Variants in DHRS4L2 observed in about 807,000 individuals in gnomAD.
DHRS4L2 encodes the protein dehydrogenase/reductase SDR family member 4-like 2.
Under a neutral mutation model 23.9 loss-of-function variants are expected in DHRS4L2, and 22 were observed. The observed-to-expected ratio is 0.92, with a 90% CI of 0.66 to 1.31. DHRS4L2 has a LOEUF of 1.31. Ranked by LOEUF, DHRS4L2 falls within the 40% of genes most tolerant of loss-of-function variation. DHRS4L2 has a pLI of 0.00. For synonymous variants in DHRS4L2, 141 were observed against 123.7 expected (o/e 1.14, Z -0.93); for missense variants, 385 against 303.3 (o/e 1.27, Z -2.00).
chr14:23,981,336 C>G (rs1013090758), intron 1 of DHRS4L2, among the ~76,000 whole-genome samples: 1 of 151,698 alleles, frequency 6.6e-6, no homozygotes. Context: ...AGTCCATGCT[C>G]ATGGATAGGA....
upstream of DHRS4L2, among the ~76,000 whole-genome samples, chr14:23,985,162 C>G (rs762676118): frequency 2.0e-5 from 3 of 151,406 alleles, no homozygotes; most frequent in Non-Finnish European, 4.4e-5. Context: ...GCGAGTTTGC[C>G]CACATTTTGC....
At chr14:23,981,032 T>A (rs191151859) in intron 1 of DHRS4L2, among the ~76,000 whole-genome samples, 332 of 151,884 alleles carry the variant, frequency 2.2e-3, no homozygotes, top group South Asian at 4.6e-3. Flanking sequence ...TGTTTGCAGA[T>A]GACATGATTG....
In DHRS4L2 at chr14:23,977,834, G is replaced by A. The variant is rs376918856; in HGVS notation, c.-176+7502G>A. ...CAGATGACAAAAACCCACAATTATT[G>A]CACCCTCTAAAAAACATGTTAATTG... On this transcript the variant is annotated intron_variant, in intron 1 of 5. Transcript: ENST00000534993. 9.4e-4 allele frequency among the ~76,000 whole-genome samples: 143 copies of A among 151,508 alleles called. 1 individual carries two copies. Among genetic ancestry groups the A allele is most frequent in the Middle Eastern group, 6.8e-3 (2 of 294 alleles).
intron 6 of DHRS4L2, 65 bp from the exon 7 acceptor site, chr14:24,004,269 TAAA>T (rs750912070): frequency 2.9e-3 from 3,756 of 1,307,782 alleles, no homozygotes; most frequent in Admixed American, 5.3e-3. Flanking sequence ...ACTCCGTCTC[TAAA>T]AAAAAAAAAA....
At chr14:23,988,717 T>G, upstream of DHRS4L2, 1 of 1,265,770 alleles carries the variant, frequency 7.9e-7, no homozygotes, top group Non-Finnish European at 1.0e-6. Flanking sequence ...GGAGAGCGCT[T>G]TGATCACTCA....
intron 1 of DHRS4L2, among the ~76,000 whole-genome samples, chr14:23,989,450 C>G (rs1368237894): frequency 6.6e-6 from 1 of 151,552 alleles, no homozygotes; most frequent in East Asian, 1.9e-4. Context: ...TGAAAATGTA[C>G]CATTCTATTT....
intron 3 of DHRS4L2, 122 bp from the exon 4 acceptor site, chr14:24,000,741 T>C: frequency 1.2e-6 from 1 of 830,626 alleles, no homozygotes; most frequent in Admixed American, 2.8e-5. Flanking sequence ...TGCAGGTATA[T>C]CATCCTAAGA....
upstream of DHRS4L2, chr14:23,988,844 G>C (rs575382198): frequency 6.8e-7 from 1 of 1,462,386 alleles, no homozygotes; most frequent in Admixed American, 2.3e-5. Flanking sequence ...GCCGAGGGCG[G>C]GAAGGGGGCA....
intron 2 of DHRS4L2, among the ~76,000 whole-genome samples, chr14:23,993,411 T>A (rs2034308947): frequency 6.6e-6 from 1 of 151,684 alleles, no homozygotes. Context: ...ACAAGAATAA[T>A]TAGTTAAAAC....
At chr14:23,985,011 A>C (rs1378535901), upstream of DHRS4L2, among the ~76,000 whole-genome samples, 1 of 151,332 alleles carries the variant, frequency 6.6e-6, no homozygotes, top group Non-Finnish European at 1.5e-5. Context: ...GGTGGTTGTC[A>C]GTAAGCTGCT....
intron 1 of DHRS4L2, among the ~76,000 whole-genome samples, chr14:23,971,280 A>G (rs1459475603): frequency 6.6e-6 from 1 of 152,098 alleles, no homozygotes; most frequent in East Asian, 1.9e-4. Context: ...ATGGCTAACT[A>G]GAATGAAGAA....
rs929769310 is a variant in DHRS4L2 at position 23,990,940 on chromosome 14, T to C, written c.306+581T>C. On this transcript the variant is annotated intron_variant, in intron 2 of 7. Transcript: ENST00000335125. ...AAGCTCCCTTCCTTTATTGGCTGCC[T>C]GTGGACTACCAGGTACTGGACTTCA... 9.6e-5 allele frequency: 82 copies of C among 857,198 alleles called. 1 individual carries two copies. The highest frequency in any genetic ancestry group is 1.1e-4 in the Non-Finnish European group (78 of 713,530). The allele number at this position is 857,198 out of a possible 1,614,324, so 53.1% of individuals were successfully genotyped here.
chr14:23,999,188 G>C (rs539402578), intron 3 of DHRS4L2, among the ~76,000 whole-genome samples: 1 of 148,416 alleles, frequency 6.7e-6, no homozygotes, highest in South Asian at 2.2e-4. Context: ...AACCATGAAA[G>C]ATCACTCATC....
Position 23,989,030 on chromosome 14 carries a change from A to T in DHRS4L2, c.83A>T (p.Asp28Val), listed in dbSNP as rs2034209266. 4 of 1,602,914 alleles carry T rather than the reference A, an allele frequency of 2.5e-6. No individual in the cohort carries two copies. In the South Asian group the frequency reaches 4.5e-5, roughly 18 times the overall value. ...GCCAGCTCCAGGATGACCCGCCGGG[A>T]CCCGCTCACAAATAAGGTGGCCCTG... The part of the protein sequence containing the change: ...RMASSRMTRR[D>V]PLTNKVALVT... Residue 28 changes from aspartate (D) to valine (V), a missense_variant, in exon 1 of 8, where the codon GAC becomes GTC. Coordinates refer to ENST00000335125, the MANE Select transcript of DHRS4L2 (RefSeq NM_198083.4).
At chr14:23,987,785 C>T (rs1225473237), upstream of DHRS4L2, among the ~76,000 whole-genome samples, 4 of 151,778 alleles carry the variant, frequency 2.6e-5, no homozygotes, top group Admixed American at 1.3e-4. Context: ...CTAGTGAAAA[C>T]GCTGCCATGA....
rs537969187 is a variant in DHRS4L2 at position 23,989,022 on chromosome 14, C to A, written c.75C>A (p.Thr25=). 6.9e-6 allele frequency: 11 copies of A among 1,604,878 alleles called. No homozygotes were observed. In the South Asian group the frequency reaches 1.0e-4, roughly 15 times the overall value. ...TGCGGATGGCCAGCTCCAGGATGAC[C>A]CGCCGGGACCCGCTCACAAATAAGG... The part of the protein sequence containing the change: ...KSVRMASSRM[T]RRDPLTNKVA... Residue 25 remains threonine, a synonymous_variant, in exon 1 of 8, where the codon ACC becomes ACA. Transcript: ENST00000335125.
intron 2 of DHRS4L2, among the ~76,000 whole-genome samples, chr14:23,992,239 T>G (rs1348428595): frequency 1.3e-5 from 2 of 151,568 alleles, no homozygotes; most frequent in Admixed American, 1.3e-4. Flanking sequence ...AAGCTGTTGC[T>G]GTCGTCCAGG....
intron 1 of DHRS4L2, 93 bp downstream of exon 1, chr14:23,989,168 C>A (rs2138532136): frequency 1.3e-6 from 2 of 1,510,950 alleles, no homozygotes; most frequent in Non-Finnish European, 8.9e-7. Context: ...TGTCCTCAGA[C>A]CTCACATACC....
At position 23,993,951 on chromosome 14, in the gene DHRS4L2, G is replaced by GA. The variant is rs574434380; in HGVS notation, c.307-1075dup. 7.3e-5 allele frequency among the ~76,000 whole-genome samples: 11 copies of GA among 151,654 alleles called. No individual in the cohort carries two copies. In the South Asian group the frequency reaches 1.3e-3, roughly 17 times the overall value. On this transcript the variant is annotated intron_variant, in intron 2 of 7. Coordinates refer to ENST00000335125, the MANE Select transcript of DHRS4L2 (RefSeq NM_198083.4). ...CCACTACTGACTAGCTTTGTGCCCT[G>GA]AAAAAATCACTTCACCCCTCCCAAA... is the stretch of plus-strand genomic sequence containing the variant.
Sources: gnomAD v4.1 joint callset for allele counts (sites outside exome capture counted in the v4.1 genomes callset) on GRCh38, gnomAD v4.1.1 for gene constraint, MANE v1.5 for transcripts, NCBI Gene and HGNC (gene_info 2026-07-23, HGNC 2026-07-21) for gene names.